MYLK: variants seen among roughly 807,000 people sequenced by gnomAD.
The protein encoded by MYLK is myosin light chain kinase, smooth muscle.
MYLK carries 106 observed loss-of-function variants against 203.4 expected under a neutral mutation model. The ratio of observed to expected loss-of-function variants is 0.52; its 90% CI spans 0.45 to 0.61. MYLK has a LOEUF of 0.61. MYLK is among the 20% of genes least tolerant of loss of function. MYLK has a pLI of 0.00. For synonymous variants in MYLK, 867 were observed against 959.5 expected, an observed-to-expected ratio of 0.90 and a Z score of 1.78; for missense variants, 2,072 against 2,442.3, an observed-to-expected ratio of 0.85 and a Z score of 3.20.
chr3:123,667,984 G>T (rs1191225231), intron 20 of MYLK, among the ~76,000 whole-genome samples: 1 of 152,166 alleles, frequency 6.6e-6, no homozygotes, highest in Non-Finnish European at 1.5e-5. Flanking sequence ...TGGATGAATG[G>T]ATGAATGAAT....
chr3:123,667,200 A>T lies in MYLK; in HGVS notation c.3653-13T>A. ...ACAGTCGCATCACCTGAAACAAAGAAGTTCACAAGTTATTTCCTGTAGTTC... is the reference window on the plus strand; with the variant it reads ...ACAGTCGCATCACCTGAAACAAAGATGTTCACAAGTTATTTCCTGTAGTTC... On this transcript the variant is annotated splice_polypyrimidine_tract_variant and intron_variant, in intron 20 of 33. Transcript: ENST00000360304. 2 of 1,613,974 alleles carry T rather than the reference A, an allele frequency of 1.2e-6. No homozygotes were observed. Among genetic ancestry groups the T allele is most frequent in the Non-Finnish European group, 1.7e-6 (2 of 1,179,846 alleles).
At chr3:123,818,605 G>A (rs1277158964) in intron 3 of MYLK, among the ~76,000 whole-genome samples, 3 of 152,196 alleles carry the variant, frequency 2.0e-5, no homozygotes, top group African/African-American at 4.8e-5. Flanking sequence ...CAGGAGGATT[G>A]CTTGAGTCCA....
At chr3:123,731,371 A>G (rs2062468758) in intron 11 of MYLK, among the ~76,000 whole-genome samples, 1 of 152,222 alleles carries the variant, frequency 6.6e-6, no homozygotes, top group Non-Finnish European at 1.5e-5. Flanking sequence ...GTGCTCTTCC[A>G]GAAATGATTT....
Position 123,714,753 on chromosome 3 carries a change from C to T in MYLK, c.1805-4860G>A, listed in dbSNP as rs2061834475. ...GATTAAGGATCTAAAGTGCATTTAT[C>T]TGTTGCTCTGTTACTTGGTATTAGC... On this transcript the variant is annotated intron_variant, in intron 13 of 33. Coordinates refer to ENST00000360304, the MANE Select transcript of MYLK (RefSeq NM_053025.4). 2.0e-5 allele frequency among the ~76,000 whole-genome samples: 3 copies of T among 152,190 alleles called. No individual in the cohort carries two copies. The South Asian group carries it at 6.2e-4, about 31-fold the overall frequency.
intron 3 of MYLK, chr3:123,814,149 G>C (rs2065658367): frequency 2.7e-6 from 1 of 365,972 alleles, no homozygotes; most frequent in East Asian, 8.4e-5. Context: ...CAGAAACACT[G>C]ACTCATGGGC....
chr3:123,651,677 A>T (rs2059215646), intron 24 of MYLK, among the ~76,000 whole-genome samples: 1 of 152,206 alleles, frequency 6.6e-6, no homozygotes, highest in South Asian at 2.1e-4. Context: ...GCCCGGCAGC[A>T]GGAGGCTTTC....
At position 123,612,119 on chromosome 3, in the gene MYLK, G is replaced by A. The variant is rs145659635; in HGVS notation, c.*1986C>T. The A allele has an allele frequency of 4.8e-4, 74 of 152,708 alleles. No individual in the cohort carries two copies. The highest frequency in any genetic ancestry group is 2.6e-3 in the Admixed American group (39 of 15,294). The allele number at this position is 152,708 out of a possible 1,614,324, so 9.5% of individuals were successfully genotyped here. On this transcript the variant is annotated 3_prime_UTR_variant, in exon 34 of 34. Coordinates refer to ENST00000360304, the MANE Select transcript of MYLK (RefSeq NM_053025.4). ...TCAAGAGAAATTTTGAACTAAATGT[G>A]TAAATTCGGCTACCTATATAAACAA...
intron 4 of MYLK, among the ~76,000 whole-genome samples, chr3:123,778,612 C>T (rs1415798244): frequency 2.0e-5 from 3 of 152,154 alleles, no homozygotes; most frequent in African/African-American, 4.8e-5. Flanking sequence ...GATTGTCAGA[C>T]CCGCCACCCT....
rs549995108 is a variant in MYLK, at chr3:123,823,698, AC to A, written c.-4+7849del. On this transcript the variant is annotated intron_variant, in intron 3 of 33. Transcript: ENST00000360304. ...CAGATTGCGGTGCTCCCCACTTAACACCCTCCAATGGCTGCCCACTACACAC... is the reference window on the plus strand; with the variant it reads ...CAGATTGCGGTGCTCCCCACTTAACACCTCCAATGGCTGCCCACTACACAC... 1.9e-3 allele frequency among the ~76,000 whole-genome samples: 281 copies of A among 151,842 alleles called. 1 individual carries two copies. The highest frequency in any genetic ancestry group is 6.6e-3 in the African/African-American group (274 of 41,368).
intron 3 of MYLK, chr3:123,799,846 C>T (rs1180104107): frequency 6.6e-6 from 1 of 152,414 alleles, no homozygotes; most frequent in Non-Finnish European, 1.5e-5. Flanking sequence ...ACCGCAGCTT[C>T]TTCCTCGGCA....
chr3:123,650,775 G>A (rs773077516), intron 24 of MYLK, among the ~76,000 whole-genome samples: 33 of 152,190 alleles, frequency 2.2e-4, no homozygotes, highest in Non-Finnish European at 7.3e-5. Context: ...CAGGTGGAAA[G>A]GATGACCTGA....
At chr3:123,676,519 A>G (rs1482032996) in intron 20 of MYLK, among the ~76,000 whole-genome samples, 1 of 152,224 alleles carries the variant, frequency 6.6e-6, no homozygotes, top group African/African-American at 2.4e-5. Context: ...GATGCTTTCA[A>G]ATTGACACAA....
intron 3 of MYLK, among the ~76,000 whole-genome samples, chr3:123,807,371 G>A: frequency 6.6e-6 from 1 of 152,074 alleles, no homozygotes; most frequent in East Asian, 1.9e-4. Flanking sequence ...AGAGGTTGCA[G>A]TGGGCTGAGA....
Position 123,701,023 on chromosome 3 carries a change from A to G in MYLK, c.2463-18T>C. 6.2e-7 allele frequency: 1 copy of G among 1,600,396 alleles called. No homozygotes were observed. Among genetic ancestry groups the G allele is most frequent in the Non-Finnish European group, 8.5e-7 (1 of 1,179,712 alleles). ...CCCTCCCCCTGCAACCAGTGTAGGG[A>G]AAAAGGAAAGTAGCAGGAGGAAAAG... On this transcript the variant is annotated intron_variant, in intron 17 of 33. Transcript: ENST00000360304.
Position 123,711,702 on chromosome 3 carries a change from G to A in MYLK, c.1805-1809C>T, listed in dbSNP as rs533348231. ...TTTAGCAATTTTTGTTTTTGTTTTTGGCAGGTTCAACTGTTGAGAAAGGGA... is the reference window on the plus strand; with the variant it reads ...TTTAGCAATTTTTGTTTTTGTTTTTAGCAGGTTCAACTGTTGAGAAAGGGA... On this transcript the variant is annotated intron_variant, in intron 13 of 33. Transcript: ENST00000360304. Among the ~76,000 whole-genome samples, 30 of 152,216 alleles carry A rather than the reference G, an allele frequency of 2.0e-4. 1 individual carries two copies. In the South Asian group the frequency reaches 2.1e-3, roughly 11 times the overall value.
chr3:123,692,991 C>G, intron 18 of MYLK, 140 bp from the exon 19 acceptor site: 1 of 735,860 alleles, frequency 1.4e-6, no homozygotes, highest in East Asian at 2.5e-5. Context: ...ACCAATCCCC[C>G]ACTCCTCACC....
chr3:123,754,804 G>A (rs768835214), intron 4 of MYLK, among the ~76,000 whole-genome samples: 3 of 152,130 alleles, frequency 2.0e-5, no homozygotes, highest in Non-Finnish European at 4.4e-5. Flanking sequence ...TTATATTAGT[G>A]TGCTGTATAA....
intron 31 of MYLK, 115 bp downstream of exon 31, chr3:123,626,703 C>G: frequency 6.6e-7 from 1 of 1,518,730 alleles, no homozygotes; most frequent in Non-Finnish European, 9.1e-7. Context: ...CAGACTACTT[C>G]AGAAATAAAT....
At chr3:123,699,642 G>A (rs368438308) in intron 18 of MYLK, among the ~76,000 whole-genome samples, 40 of 152,358 alleles carry the variant, frequency 2.6e-4, no homozygotes, top group African/African-American at 9.4e-4. Flanking sequence ...CTCCAAGCCT[G>A]TAGACAGAGC....
Sources: gnomAD v4.1 joint callset for allele counts (sites outside exome capture counted in the v4.1 genomes callset) on GRCh38, gnomAD v4.1.1 for gene constraint, MANE v1.5 for transcripts, NCBI Gene and HGNC (gene_info 2026-07-23, HGNC 2026-07-21) for gene names.